The following FAM168A variants were observed in gnomAD, a reference collection of about 807,000 sequenced individuals.
FAM168A encodes protein FAM168A.
In FAM168A, 3 loss-of-function variants were observed where a neutral mutation model predicts 28.5. That is an observed-to-expected ratio of 0.11 (90% CI 0.05 to 0.27). The LOEUF is 0.27. Among genes scored for constraint, FAM168A ranks in the 10% least tolerant of loss-of-function variants. The pLI, the probability that FAM168A is intolerant of heterozygous loss-of-function variation, is 1.00. For missense variants in FAM168A, 222 were observed against 311.5 expected (o/e 0.71, Z 2.16); for synonymous variants, 122 against 124.2 (o/e 0.98, Z 0.12).
intron 1 of FAM168A, among the ~76,000 whole-genome samples, chr11:73,539,467 T>C (rs1943626713): frequency 6.6e-6 from 1 of 152,034 alleles, no homozygotes; most frequent in Non-Finnish European, 1.5e-5. Context: ...GATGGGGTTT[T>C]ACTGTGTTAC....
At chr11:73,470,282 T>C (rs766953610) in intron 1 of FAM168A, among the ~76,000 whole-genome samples, 4 of 152,166 alleles carry the variant, frequency 2.6e-5, no homozygotes, top group Non-Finnish European at 5.9e-5. Flanking sequence ...TGTGGCAATG[T>C]TGCTCATGTG....
chr11:73,546,511 T>C (rs1197548470), intron 1 of FAM168A, among the ~76,000 whole-genome samples: 2 of 152,226 alleles, frequency 1.3e-5, no homozygotes, highest in African/African-American at 4.8e-5. Flanking sequence ...GGCAGACAGA[T>C]GACCTGAGGT....
chr11:73,587,739 G>T (rs1180921230), intron 1 of FAM168A, among the ~76,000 whole-genome samples: 1 of 152,062 alleles, frequency 6.6e-6, no homozygotes, highest in Admixed American at 6.6e-5. Flanking sequence ...TGGAAAAATG[G>T]AATGTACATT....
intron 1 of FAM168A, among the ~76,000 whole-genome samples, chr11:73,473,621 T>C (rs1283711403): frequency 6.6e-6 from 1 of 152,196 alleles, no homozygotes; most frequent in East Asian, 1.9e-4. Context: ...CCATGCATGC[T>C]TGTGCCTCTG....
At chr11:73,552,629 G>A (rs566864575) in intron 1 of FAM168A, among the ~76,000 whole-genome samples, 2 of 152,144 alleles carry the variant, frequency 1.3e-5, no homozygotes, top group Non-Finnish European at 2.9e-5. Flanking sequence ...GCACGAAAGA[G>A]GTACTCAATT....
At chr11:73,414,013 T>C (rs1866659379) in intron 4 of FAM168A, among the ~76,000 whole-genome samples, 1 of 152,180 alleles carries the variant, frequency 6.6e-6, no homozygotes, top group Non-Finnish European at 1.5e-5. Flanking sequence ...TTGTGAGCCA[T>C]GATCACAACA....
chr11:73,560,941 G>A (rs528722148), intron 1 of FAM168A, among the ~76,000 whole-genome samples: 30 of 151,870 alleles, frequency 2.0e-4, no homozygotes, highest in Admixed American at 7.2e-4. Context: ...CACACCTGTA[G>A]TTGCAGCTAC....
At position 73,401,433 on chromosome 11, in the gene FAM168A, G is replaced by A. The variant is rs1173256638; in HGVS notation, c.*5330C>T. 3 of 152,282 alleles carry A rather than the reference G, an allele frequency of 2.0e-5. No homozygotes were observed. The highest frequency in any genetic ancestry group is 2.1e-4 in the South Asian group (1 of 4,822). 9.4% of individuals were successfully genotyped at this position (152,282 alleles called of 1,614,324 possible). A position where few individuals can be genotyped will look rare whatever the true frequency, so the allele number is the denominator to read the frequency against. On this transcript the variant is annotated 3_prime_UTR_variant, in exon 8 of 8. Transcript: ENST00000356467. ...TAGATCCAGACTATCTGGCTGACCCGAGGAGAAGGTCTCTGGGACAGTCTC... is the reference window on the plus strand; with the variant it reads ...TAGATCCAGACTATCTGGCTGACCCAAGGAGAAGGTCTCTGGGACAGTCTC...
At chr11:73,487,197 C>G (rs1868064788) in intron 1 of FAM168A, among the ~76,000 whole-genome samples, 1 of 152,128 alleles carries the variant, frequency 6.6e-6, no homozygotes, top group South Asian at 2.1e-4. Context: ...ACTCTCCCCA[C>G]TTCATCTCCT....
At chr11:73,420,135 G>A in intron 3 of FAM168A, 136 bp from the exon 4 acceptor site, 1 of 961,346 alleles carries the variant, frequency 1.0e-6, no homozygotes, top group Non-Finnish European at 1.5e-6. Context: ...GGGATGGTCA[G>A]CCTTTCTGAG....
rs367570839 is a variant in FAM168A at position 73,407,613 on chromosome 11, G to A, written c.626C>T (p.Ala209Val). ...GTLLTTPQHT[A>V]IGAHPVSMPT... ...CATGGAGACAGGGTGTGCCCCAATC[G>A]CCGTGTGCTGGGGTGTAGTCAGCAG... Residue 209 changes from alanine (A) to valine (V), a missense_variant, in exon 7 of 8, where the codon GCG (alanine) becomes GTG (valine). Around this residue, in one of 3 missense-constraint regions of FAM168A, gnomAD observed 64 missense variants for 94.6 expected, o/e 0.68. Coordinates refer to ENST00000356467, the MANE Select transcript of FAM168A (RefSeq NM_015159.3). 199 of 1,610,484 alleles carry A rather than the reference G, an allele frequency of 1.2e-4. No individual in the cohort carries two copies. The highest frequency in any genetic ancestry group is 1.6e-4 in the Middle Eastern group (1 of 6,072).
At chr11:73,461,947 G>C (rs1177176131) in intron 2 of FAM168A, among the ~76,000 whole-genome samples, 1 of 151,462 alleles carries the variant, frequency 6.6e-6, no homozygotes, top group Admixed American at 6.6e-5. Flanking sequence ...ATTATTTAAA[G>C]AGAGAGAGAG....
rs1002866385 is a variant in FAM168A at position 73,404,991 on chromosome 11, C to T, written c.*1772G>A. On this transcript the variant is annotated 3_prime_UTR_variant, in exon 8 of 8. Coordinates refer to ENST00000356467, the MANE Select transcript of FAM168A (RefSeq NM_015159.3). ...AGGCTGCTGCTGGGCAATCCAGGCT[C>T]CTGGCTGAGACTAGCAGGGACCTCC... The T allele has an allele frequency of 6.6e-6, 1 of 152,240 alleles. No individual in the cohort carries two copies. Among genetic ancestry groups the T allele is most frequent in the Non-Finnish European group, 1.5e-5 (1 of 68,044 alleles). 9.4% of individuals were successfully genotyped at this position (152,240 alleles called of 1,614,324 possible). A position where few individuals can be genotyped will look rare whatever the true frequency, so the allele number is the denominator to read the frequency against.
chr11:73,488,345 G>A (rs1471810226), intron 1 of FAM168A, among the ~76,000 whole-genome samples: 1 of 151,988 alleles, frequency 6.6e-6, no homozygotes, highest in African/African-American at 2.4e-5. Context: ...TGGCCAGGCT[G>A]GTCTTGAACT....
intron 2 of FAM168A, among the ~76,000 whole-genome samples, chr11:73,441,134 C>A (rs1016162283): frequency 6.6e-6 from 1 of 151,388 alleles, no homozygotes; most frequent in Non-Finnish European, 1.5e-5. Context: ...TCTCAGTTCA[C>A]CACAACCTCC....
chr11:73,516,159 T>C (rs188254165), intron 1 of FAM168A, among the ~76,000 whole-genome samples: 23 of 151,318 alleles, frequency 1.5e-4, no homozygotes, highest in African/African-American at 5.6e-4. Context: ...GGCATTAAGA[T>C]TTCTGGCTCT....
At chr11:73,415,466 C>G (rs1866680665) in intron 4 of FAM168A, among the ~76,000 whole-genome samples, 1 of 152,204 alleles carries the variant, frequency 6.6e-6, no homozygotes, top group Non-Finnish European at 1.5e-5. Context: ...GGCCCTCATC[C>G]TAGGTTCTGT....
At chr11:73,570,790 T>C (rs1944077332) in intron 1 of FAM168A, among the ~76,000 whole-genome samples, 1 of 150,750 alleles carries the variant, frequency 6.6e-6, no homozygotes, top group Non-Finnish European at 1.5e-5. Context: ...ATCATAAAAA[T>C]ACCTTACAAA....
intron 1 of FAM168A, among the ~76,000 whole-genome samples, chr11:73,570,405 C>T (rs1389793394): frequency 1.3e-5 from 2 of 152,064 alleles, no homozygotes; most frequent in African/African-American, 2.4e-5. Flanking sequence ...TGGTCCTCCA[C>T]AAAAAGAGCT....
Sources: allele counts gnomAD v4.1 joint callset (sites outside exome capture counted in the v4.1 genomes callset), GRCh38; gene constraint gnomAD v4.1.1; regional missense constraint gnomAD v4.1.1; transcripts MANE v1.5; gene names NCBI Gene and HGNC (gene_info 2026-07-23, HGNC 2026-07-21).